The following SETD6 variants were observed in gnomAD, a reference collection of about 807,000 sequenced individuals.
SETD6 encodes SET domain containing 6, protein lysine methyltransferase.
In SETD6, 67 loss-of-function variants were observed where a neutral mutation model predicts 52.7. The ratio of observed to expected loss-of-function variants is 1.27; its 90% confidence interval spans 1.04 to 1.56. The LOEUF is 1.56. Among genes scored for constraint, SETD6 ranks in the 40% most tolerant of loss-of-function variants. SETD6 has a pLI of 0.00. For synonymous variants in SETD6, 307 were observed against 250.2 expected (o/e 1.23, Z -2.14); for missense variants, 712 against 607.5 (o/e 1.17, Z -1.81).
rs756129574 is a variant in SETD6 at position 58,516,933 on chromosome 16, G to A, written c.792+5G>A. ...GCCAATCTAGAATACTCTGCGGTGAGTGGAGTTTCTCTTGGTGCACTGATT... is the reference window on the plus strand; with the variant it reads ...GCCAATCTAGAATACTCTGCGGTGAATGGAGTTTCTCTTGGTGCACTGATT... On this transcript the variant is annotated splice_donor_5th_base_variant and intron_variant, in intron 5 of 7. Transcript: ENST00000219315. The A allele has an allele frequency of 1.2e-6, 2 of 1,614,194 alleles. No individual in the cohort carries two copies. Among genetic ancestry groups the A allele is most frequent in the Non-Finnish European group, 8.5e-7 (1 of 1,180,032 alleles).
At chr16:58,517,839 CCA>C (rs58906620) in intron 5 of SETD6, 36,796 of 628,174 alleles carry the variant, frequency 0.059, 1,628 homozygotes, top group East Asian at 0.16. Flanking sequence ...AGAAATCCAC[CCA>C]GTTAAACATG....
In SETD6 at chr16:58,518,551, G is replaced by A. The variant is rs1202595311; in HGVS notation, c.1116+8G>A. 6.3e-7 allele frequency: 1 copy of A among 1,596,606 alleles called. No individual in the cohort carries two copies. Among genetic ancestry groups the A allele is most frequent in the Non-Finnish European group, 8.5e-7 (1 of 1,176,168 alleles). On this transcript the variant is annotated splice_region_variant and intron_variant, in intron 7 of 7. Coordinates refer to ENST00000219315, the MANE Select transcript of SETD6 (RefSeq NM_001160305.4). ...CTGACCACCACACTAAAGGTAAACG[G>A]CTGAAAATGGCCATTTAATGCTGAT...
At chr16:58,516,176 G>T (rs767723097) in intron 2 of SETD6, 26 bp from the exon 3 acceptor site, 26 of 1,450,488 alleles carry the variant, frequency 1.8e-5, no homozygotes, top group Non-Finnish European at 2.3e-5. Flanking sequence ...GCCGCGCCGG[G>T]GCGCTCACAC....
At position 58,516,263 on chromosome 16, in the gene SETD6, GC is replaced by G; in HGVS notation, c.397del (p.Leu133CysfsTer78). ...CACTGCTGCTGGCGCTGCTCCACGAGCTGCAGGCCCCGGCCTCACGCTGGAG... is the reference window on the plus strand; with the variant it reads ...CACTGCTGCTGGCGCTGCTCCACGAGTGCAGGCCCCGGCCTCACGCTGGAG... ...VPLLLALLHE[L>X]QAPASRWRPY... On this transcript the variant is annotated frameshift_variant, in exon 3 of 8. Transcript: ENST00000219315. LOFTEE classifies it high-confidence loss of function. The G allele has an allele frequency of 6.2e-7, 1 of 1,601,288 alleles. No individual in the cohort carries two copies. The highest frequency in any genetic ancestry group is 1.1e-5 in the South Asian group (1 of 91,008).
chr16:58,516,127 G>A, intron 2 of SETD6, 30 bp downstream of exon 2: 1 of 1,140,830 alleles, frequency 8.8e-7, no homozygotes, highest in Non-Finnish European at 1.1e-6. Flanking sequence ...AGGGCCCTGG[G>A]GCGGGGCGGG....
At position 58,516,348 on chromosome 16, in the gene SETD6, G is replaced by A. The variant is rs757884168; in HGVS notation, c.476+5G>A. The A allele has an allele frequency of 6.2e-7, 1 of 1,610,062 alleles. No homozygotes were observed. The highest frequency in any genetic ancestry group is 8.5e-7 in the Non-Finnish European group (1 of 1,179,902). ...CTTGGAGCACCCGATGTTCTGGTGA[G>A]AGCCTTGGGAGGGGTTGGGGAGCGC... is the stretch of plus-strand genomic sequence containing the variant. On this transcript the variant is annotated splice_donor_5th_base_variant and intron_variant, in intron 3 of 7. Transcript: ENST00000219315.
chr16:58,517,281 G>A (rs549222573), intron 5 of SETD6: 4 of 348,272 alleles, frequency 1.1e-5, no homozygotes, highest in African/African-American at 2.1e-5. Context: ...CCGTGTTTTG[G>A]AGGGATGAGG....
In SETD6 at chr16:58,519,455, T is replaced by TA. The variant is rs2039285621; in HGVS notation, c.*427dup. 1.7e-5 allele frequency: 3 copies of TA among 171,660 alleles called. No homozygotes were observed. Among genetic ancestry groups the TA allele is most frequent in the Admixed American group, 1.1e-4 (2 of 18,482 alleles). 10.6% of individuals were successfully genotyped at this position (171,660 alleles called of 1,614,324 possible). ...AGCTGTGTAACTGGTACTCGATAGT[T>TA]ACCCAAAGTTCAGTCTAGATGGCAC... On this transcript the variant is annotated 3_prime_UTR_variant, in exon 8 of 8. Transcript: ENST00000219315.
In SETD6 at chr16:58,515,883, G is replaced by A. The variant is rs2039109752; in HGVS notation, c.120G>A (p.Val40=). The A allele has an allele frequency of 1.3e-6, 2 of 1,516,122 alleles. No homozygotes were observed. The highest frequency in any genetic ancestry group is 1.8e-6 in the Non-Finnish European group (2 of 1,140,956). 93.9% of individuals were successfully genotyped at this position (1,516,122 alleles called of 1,614,324 possible). The stretch of plus-strand genomic sequence containing the variant: ...TGGGGCTGGAGCTGAGTCCCAAGGT[G>A]AGCGAGCGAGCCGGCGGGCGGAGGA... ...RRVGLELSPK[V]SERAGGRRTR... Residue 40 remains valine, a synonymous_variant, in exon 2 of 8, where the codon GTG becomes GTA. Coordinates refer to ENST00000219315, the MANE Select transcript of SETD6 (RefSeq NM_001160305.4).
rs56149974 is a variant in SETD6 at position 58,522,237 on chromosome 16, C to CAAAA, written c.*3235_*3238dup. ...AGGAGGCGACAAAGCGAGACTGTCT[C>CAAAA]AAAAAAAAAAAAAAAAAAAAAAAAA... On this transcript the variant is annotated 3_prime_UTR_variant, in exon 8 of 8. Coordinates refer to ENST00000219315, the MANE Select transcript of SETD6 (RefSeq NM_001160305.4). 4.6e-4 allele frequency among the ~76,000 whole-genome samples: 45 copies of CAAAA among 98,584 alleles called. No individual in the cohort carries two copies. The highest frequency in any genetic ancestry group is 2.5e-3 in the East Asian group (10 of 3,990). 64.7% of individuals were successfully genotyped at this position (98,584 alleles called of 152,430 possible).
Position 58,519,359 on chromosome 16 carries a change from C to A in SETD6, c.*330C>A, listed in dbSNP as rs983441393. 2 of 228,136 alleles carry A rather than the reference C, an allele frequency of 8.8e-6. No homozygotes were observed. Among genetic ancestry groups the A allele is most frequent in the African/African-American group, 2.3e-5 (1 of 43,876 alleles). 14.1% of individuals were successfully genotyped at this position (228,136 alleles called of 1,614,324 possible). A position where few individuals can be genotyped will look rare whatever the true frequency, so the allele number is the denominator to read the frequency against. ...TTTAATAATAGACTTTGGAGGTAGA[C>A]CCCTGGTTTAAATCTAAGTCTAGTT... On this transcript the variant is annotated 3_prime_UTR_variant, in exon 8 of 8. Coordinates refer to ENST00000219315, the MANE Select transcript of SETD6 (RefSeq NM_001160305.4).
rs1180198435 is a variant in SETD6, at chr16:58,523,138, G to GAGT, written c.*4111_*4112insTAG. 5 of 281,528 alleles carry GAGT rather than the reference G, an allele frequency of 1.8e-5. No individual in the cohort carries two copies. Among genetic ancestry groups the GAGT allele is most frequent in the African/African-American group, 1.1e-4 (5 of 45,764 alleles). 17.4% of individuals were successfully genotyped at this position (281,528 alleles called of 1,614,324 possible). ...CAGGCGCCTGTAATCCCAGCTACTT[G>GAGT]AGAGGCTAAGGCACGAGAATCGCTT... On this transcript the variant is annotated 3_prime_UTR_variant, in exon 8 of 8. Transcript: ENST00000219315.
Position 58,516,643 on chromosome 16 carries a change from C to T in SETD6, c.642C>T (p.His214=). Reference sequence around the variant, plus strand: ...GGGTTCGCTCCCTAGAACTCTACCACCAGCTGGTGGCCCTTGTGATGGCCT... The same window carrying T: ...GGGTTCGCTCCCTAGAACTCTACCATCAGCTGGTGGCCCTTGTGATGGCCT... ...SLRVRSLELY[H]QLVALVMAYS... Residue 214 remains histidine, a synonymous_variant, in exon 4 of 8, where the codon CAC becomes CAT. Coordinates refer to ENST00000219315, the MANE Select transcript of SETD6 (RefSeq NM_001160305.4). 2 of 1,614,064 alleles carry T rather than the reference C, an allele frequency of 1.2e-6. No individual in the cohort carries two copies. The highest frequency in any genetic ancestry group is 1.7e-6 in the Non-Finnish European group (2 of 1,179,966).
rs777464430 is a variant in SETD6, at chr16:58,518,453, A to G, written c.1026A>G (p.Leu342=). ...TAGTGTACGAGCGCTGGGATTTCCT[A>G]TGCAAACTGGAGATGGTAGGGGAAG... ...RHLVYERWDF[L]CKLEMVGEEG... Residue 342 remains leucine (L), a synonymous_variant, in exon 7 of 8, where the codon CTA becomes CTG. Coordinates refer to ENST00000219315, the MANE Select transcript of SETD6 (RefSeq NM_001160305.4). 14 of 1,587,228 alleles carry G rather than the reference A, an allele frequency of 8.8e-6. No individual in the cohort carries two copies. The highest frequency in any genetic ancestry group is 1.2e-5 in the Non-Finnish European group (14 of 1,173,808).
rs1345737872 is a variant in SETD6, at chr16:58,521,522, CTAAG to C, written c.*2496_*2499del. Among the ~76,000 whole-genome samples, 3 of 152,286 alleles carry C rather than the reference CTAAG, an allele frequency of 2.0e-5. No individual in the cohort carries two copies. In the East Asian group the frequency reaches 5.8e-4, roughly 29 times the overall value. On this transcript the variant is annotated 3_prime_UTR_variant, in exon 8 of 8. Transcript: ENST00000219315. ...GAACCCTGCTCTTAGCCGTAGAAGA[CTAAG>C]TATTTATATAAAGTGCAGATAATGG... is the stretch of plus-strand genomic sequence containing the variant.
In SETD6 at chr16:58,515,937, C is replaced by T. The variant is rs570654565; in HGVS notation, c.174C>T (p.Thr58=). 2.6e-6 allele frequency: 4 copies of T among 1,520,394 alleles called. No individual in the cohort carries two copies. The highest frequency in any genetic ancestry group is 2.4e-5 in the South Asian group (2 of 81,958). The allele number at this position is 1,520,394 out of a possible 1,614,324, so 94.2% of individuals were successfully genotyped here. A position where few individuals can be genotyped will look rare whatever the true frequency, so the allele number is the denominator to read the frequency against. ...GCGGCGGGGCGCGGGCTGCCCTGAC[C>T]AGCCCTCCTGCTCAGGTGGCGGTCA... The part of the protein sequence containing the change: ...RTRGGARAAL[T]SPPAQVAVSR... The change falls in exon 2 of 8, where the codon ACC becomes ACT. Residue 58 remains threonine, a synonymous_variant. Coordinates refer to ENST00000219315, the MANE Select transcript of SETD6 (RefSeq NM_001160305.4).
Position 58,518,502 on chromosome 16 carries a change from G to C in SETD6, c.1075G>C (p.Glu359Gln). The C allele has an allele frequency of 6.3e-7, 1 of 1,593,182 alleles. No individual in the cohort carries two copies. Among genetic ancestry groups the C allele is most frequent in the Non-Finnish European group, 8.5e-7 (1 of 1,175,346 alleles). ...AGAGGGAGCCTTTGTGATAGGGAGGGAGGAGGTGCTGACTGAAGAGGAGCT... is the reference window on the plus strand; with the variant it reads ...AGAGGGAGCCTTTGTGATAGGGAGGCAGGAGGTGCTGACTGAAGAGGAGCT... ...GEEGAFVIGR[E>Q]EVLTEEELTT... is the part of the protein sequence containing the mutation. Residue 359 changes from glutamate (E) to glutamine (Q), a missense_variant, in exon 7 of 8, where the codon GAG becomes CAG. Glu to Gln is a conservative substitution (Grantham distance 29). Transcript: ENST00000219315.
Position 58,521,347 on chromosome 16 carries a change from G to A in SETD6, c.*2318G>A. 1 of 1,570,374 alleles carries A rather than the reference G, an allele frequency of 6.4e-7. No homozygotes were observed. The highest frequency in any genetic ancestry group is 8.6e-7 in the Non-Finnish European group (1 of 1,162,080). On this transcript the variant is annotated 3_prime_UTR_variant, in exon 8 of 8. Coordinates refer to ENST00000219315, the MANE Select transcript of SETD6 (RefSeq NM_001160305.4). ...AAAAAGGGAGAAAGAGCTAGTTAAT[G>A]TATAGAAGCATACAAATTCATGATT...
At position 58,517,956 on chromosome 16, in the gene SETD6, G is replaced by A; in HGVS notation, c.793-95G>A. 3.3e-6 allele frequency: 5 copies of A among 1,496,958 alleles called. No individual in the cohort carries two copies. The African/African-American group carries it at 4.1e-5, about 12-fold the overall frequency. 92.7% of individuals were successfully genotyped at this position (1,496,958 alleles called of 1,614,324 possible). Reference sequence around the variant, plus strand: ...GTAGTTAACAGCATCAGTCATGGCTGAACTACACCTGCTGAAGGCTCTTCT... The same window carrying A: ...GTAGTTAACAGCATCAGTCATGGCTAAACTACACCTGCTGAAGGCTCTTCT... On this transcript the variant is annotated intron_variant, in intron 5 of 7. Coordinates refer to ENST00000219315, the MANE Select transcript of SETD6 (RefSeq NM_001160305.4).
Sources: gnomAD v4.1 joint callset for allele counts (sites outside exome capture counted in the v4.1 genomes callset) on GRCh38, gnomAD v4.1.1 for gene constraint, MANE v1.5 for transcripts, NCBI Gene and HGNC (gene_info 2026-07-23, HGNC 2026-07-21) for gene names.